Variants in CENPP observed in about 807,000 individuals in gnomAD.
CENPP encodes centromere protein P.
Under a neutral mutation model 35.6 loss-of-function variants are expected in CENPP, and 24 were observed. That is an observed-to-expected ratio of 0.67 (90% CI 0.49 to 0.95). The LOEUF is 0.95. CENPP is among the 40% of genes least tolerant of loss of function. CENPP has a pLI of 0.00. For synonymous variants in CENPP, 120 were observed against 125.5 expected (o/e 0.96, Z 0.29); for missense variants, 332 against 345.3 (o/e 0.96, Z 0.31).
At chr9:92,383,655 G>C (rs1201832854) in intron 5 of CENPP, among the ~76,000 whole-genome samples, 2 of 151,702 alleles carry the variant, frequency 1.3e-5, no homozygotes, top group Non-Finnish European at 2.9e-5. Context: ...TGTGATTTAA[G>C]GTTGTGTATA....
intron 5 of CENPP, chr9:92,517,324 A>C (rs1263378197): frequency 3.0e-6 from 1 of 332,804 alleles, no homozygotes; most frequent in Non-Finnish European, 5.5e-6. Flanking sequence ...GGCACGTTGC[A>C]CTGGATTAAG....
chr9:92,501,583 C>A (rs1257275158), intron 5 of CENPP, among the ~76,000 whole-genome samples: 1 of 152,202 alleles, frequency 6.6e-6, no homozygotes. Flanking sequence ...TGTTAATCAT[C>A]TAGAAGATCT....
intron 5 of CENPP, among the ~76,000 whole-genome samples, chr9:92,417,795 TGCA>T (rs1843664142): frequency 6.6e-6 from 1 of 152,164 alleles, no homozygotes; most frequent in Non-Finnish European, 1.5e-5. Flanking sequence ...CTCGGCTCAC[TGCA>T]ACTTCTGCCT....
At position 92,514,605 on chromosome 9, in the gene CENPP, A is replaced by G. The variant is rs767405383; in HGVS notation, c.565-96709A>G. 4.9e-5 allele frequency: 75 copies of G among 1,539,314 alleles called. No individual in the cohort carries two copies. In the East Asian group the frequency reaches 1.2e-3, roughly 25 times the overall value. On this transcript the variant is annotated intron_variant, in intron 5 of 7. Coordinates refer to ENST00000375587, the MANE Select transcript of CENPP (RefSeq NM_001012267.3). Reference sequence around the variant, plus strand: ...GAGTCATTTACTTTTAAAGCACAAAATAAAGCAGAAGTCAACATCTCTTAC... The same window carrying G: ...GAGTCATTTACTTTTAAAGCACAAAGTAAAGCAGAAGTCAACATCTCTTAC...
chr9:92,575,082 A>G (rs768008750), intron 5 of CENPP, among the ~76,000 whole-genome samples: 19 of 152,252 alleles, frequency 1.2e-4, no homozygotes, highest in Non-Finnish European at 1.5e-4. Context: ...TCAAAGACCT[A>G]CATGTAAAAC....
At chr9:92,328,776 A>C (rs1371103456) in intron 1 of CENPP, among the ~76,000 whole-genome samples, 1 of 152,276 alleles carries the variant, frequency 6.6e-6, no homozygotes, top group Non-Finnish European at 1.5e-5. Context: ...TAACATCATT[A>C]GTTGAAATAC....
chr9:92,505,114 GTGTC>G (rs1353019850), intron 5 of CENPP, among the ~76,000 whole-genome samples: 2 of 152,214 alleles, frequency 1.3e-5, no homozygotes, highest in Admixed American at 6.5e-5. Context: ...TTAGGTCAGA[GTGTC>G]TGTGGTTTTG....
chr9:92,351,075 A>G (rs1007660694), intron 4 of CENPP, among the ~76,000 whole-genome samples: 2 of 152,194 alleles, frequency 1.3e-5, no homozygotes, highest in African/African-American at 4.8e-5. Context: ...TACTGTGGCA[A>G]AATACTTACA....
chr9:92,429,653 G>T (rs1844053843), intron 5 of CENPP, among the ~76,000 whole-genome samples: 1 of 152,052 alleles, frequency 6.6e-6, no homozygotes, highest in South Asian at 2.1e-4. Context: ...CGAGCGTGGT[G>T]GTAGGCGCCT....
intron 5 of CENPP, among the ~76,000 whole-genome samples, chr9:92,576,368 T>C (rs1406387090): frequency 1.3e-5 from 2 of 152,144 alleles, no homozygotes; most frequent in African/African-American, 4.8e-5. Context: ...CAGTGTTTAA[T>C]AGGTGTCAAG....
chr9:92,362,550 T>C (rs1048517093), intron 4 of CENPP, among the ~76,000 whole-genome samples: 2 of 152,254 alleles, frequency 1.3e-5, no homozygotes, highest in African/African-American at 4.8e-5. Flanking sequence ...ATAGGTGATA[T>C]TAAGTTTTTC....
chr9:92,410,269 C>T (rs1843410944), intron 5 of CENPP, among the ~76,000 whole-genome samples: 1 of 152,118 alleles, frequency 6.6e-6, no homozygotes, highest in South Asian at 2.1e-4. Context: ...AGTACTTAAG[C>T]AGGTTTGAGT....
At chr9:92,332,125 A>C (rs779992384) in intron 1 of CENPP, 45 bp from the exon 2 acceptor site, 7 of 1,331,708 alleles carry the variant, frequency 5.3e-6, no homozygotes, top group African/African-American at 1.5e-5. Flanking sequence ...TAGATGAAAC[A>C]CGTGTTAGTA....
At chr9:92,550,059 T>C (rs969099067) in intron 5 of CENPP, among the ~76,000 whole-genome samples, 20 of 152,168 alleles carry the variant, frequency 1.3e-4, no homozygotes, top group African/African-American at 4.6e-4. Context: ...ATTGATGGAT[T>C]CCCCTGCATT....
intron 5 of CENPP, chr9:92,465,096 G>T: frequency 9.5e-7 from 1 of 1,055,610 alleles, no homozygotes; most frequent in Non-Finnish European, 1.4e-6. Context: ...ACAGTGCAGA[G>T]AGACACATCC....
At chr9:92,349,398 CT>C (rs201537404) in intron 4 of CENPP, among the ~76,000 whole-genome samples, 64 of 147,804 alleles carry the variant, frequency 4.3e-4, no homozygotes, top group African/African-American at 1.3e-3. Flanking sequence ...ATTATATATA[CT>C]TTTTTTTTTA....
chr9:92,499,649 C>T (rs1042266418), intron 5 of CENPP, among the ~76,000 whole-genome samples: 5 of 152,118 alleles, frequency 3.3e-5, no homozygotes, highest in Non-Finnish European at 7.4e-5. Flanking sequence ...GTATTTTTGC[C>T]AAAAAATTTT....
rs563927019 is a variant in CENPP at position 92,483,419 on chromosome 9, A to G, written c.564+103560A>G. ...AATTTTTTGGTTTTTTAATAGAGAC[A>G]GTGTTTCATTGTGTTAGCCAGGATG... On this transcript the variant is annotated intron_variant, in intron 5 of 7. Coordinates refer to ENST00000375587, the MANE Select transcript of CENPP (RefSeq NM_001012267.3). Among the ~76,000 whole-genome samples, 4 of 152,134 alleles carry G rather than the reference A, an allele frequency of 2.6e-5. No individual in the cohort carries two copies. In the East Asian group the frequency reaches 7.7e-4, roughly 29 times the overall value.
intron 5 of CENPP, chr9:92,466,613 T>A (rs778120761): frequency 1.3e-6 from 2 of 1,520,442 alleles, no homozygotes; most frequent in South Asian, 2.3e-5. Context: ...AGGAAGTGGA[T>A]TTGATTTACC....
Sources: allele counts gnomAD v4.1 joint callset (sites outside exome capture counted in the v4.1 genomes callset), GRCh38; gene constraint gnomAD v4.1.1; transcripts MANE v1.5; gene names NCBI Gene and HGNC (gene_info 2026-07-23, HGNC 2026-07-21).